DYNC1I1: variants seen among roughly 807,000 people sequenced by gnomAD.
The protein encoded by DYNC1I1 is dynein cytoplasmic 1 intermediate chain 1.
DYNC1I1 carries 43 observed loss-of-function variants against 86.6 expected under a neutral mutation model. That is an observed-to-expected ratio of 0.50 (90% CI 0.39 to 0.64). The LOEUF (loss-of-function observed/expected upper bound fraction) is 0.64, where lower values mean the gene tolerates loss of function less well. Among genes scored for constraint, DYNC1I1 ranks in the 30% least tolerant of loss-of-function variants. The pLI is 0.00. For missense variants in DYNC1I1, 604 were observed against 788.8 expected, an observed-to-expected ratio of 0.77 and a Z score of 2.81; for synonymous variants, 262 against 283.7, an observed-to-expected ratio of 0.92 and a Z score of 0.77.
At chr7:96,107,646 C>T (rs1791237143) in intron 16 of DYNC1I1, among the ~76,000 whole-genome samples, 1 of 151,848 alleles carries the variant, frequency 6.6e-6, no homozygotes, top group African/African-American at 2.4e-5. Flanking sequence ...ATTCTCCTGC[C>T]TCAGCCTCCT....
intron 6 of DYNC1I1, among the ~76,000 whole-genome samples, chr7:95,875,549 T>G (rs1392478986): frequency 6.6e-6 from 1 of 152,200 alleles, no homozygotes; most frequent in Admixed American, 6.5e-5. Flanking sequence ...CCCAAATTCA[T>G]AGAGTCCCCC....
At chr7:95,880,416 G>GCCATCTC (rs1562931606) in intron 6 of DYNC1I1, among the ~76,000 whole-genome samples, 1 of 152,088 alleles carries the variant, frequency 6.6e-6, no homozygotes, top group Non-Finnish European at 1.5e-5. Context: ...AACGACCCGG[G>GCCATCTC]CAGTTTCAGG....
At chr7:95,860,585 A>G (rs116580602) in intron 5 of DYNC1I1, among the ~76,000 whole-genome samples, 1,822 of 152,328 alleles carry the variant, frequency 0.012, 38 homozygotes, top group African/African-American at 0.041. Context: ...ATCTGGCCAA[A>G]TAATTCTTTG....
intron 6 of DYNC1I1, among the ~76,000 whole-genome samples, chr7:95,937,044 T>A (rs543522893): frequency 1.3e-5 from 2 of 150,620 alleles, no homozygotes; most frequent in East Asian, 1.9e-4. Context: ...GAATGAAACT[T>A]GAGGACATTA....
chr7:95,799,791 A>T (rs1463358492), intron 1 of DYNC1I1, among the ~76,000 whole-genome samples: 1 of 151,988 alleles, frequency 6.6e-6, no homozygotes, highest in African/African-American at 2.4e-5. Flanking sequence ...ATTGCTATTA[A>T]ATCAGTAATG....
intron 6 of DYNC1I1, among the ~76,000 whole-genome samples, chr7:95,944,281 C>T (rs1265218334): frequency 6.6e-6 from 1 of 151,638 alleles, no homozygotes; most frequent in Non-Finnish European, 1.5e-5. Flanking sequence ...AAAATGCTCA[C>T]CATCACTGGC....
At chr7:95,880,281 T>G (rs796397099) in intron 6 of DYNC1I1, among the ~76,000 whole-genome samples, 39 of 152,218 alleles carry the variant, frequency 2.6e-4, no homozygotes, top group African/African-American at 9.4e-4. Context: ...TGATGTTTCT[T>G]CCAATGTGAA....
At chr7:95,984,718 A>C (rs940402405) in intron 7 of DYNC1I1, 97 bp from the exon 8 acceptor site, 34 of 1,197,812 alleles carry the variant, frequency 2.8e-5, no homozygotes, top group Middle Eastern at 2.3e-4. Flanking sequence ...TCGTTTGATA[A>C]GCAGTCTCTC....
At chr7:95,796,316 T>C (rs1043851374) in intron 1 of DYNC1I1, among the ~76,000 whole-genome samples, 1 of 152,078 alleles carries the variant, frequency 6.6e-6, no homozygotes, top group Non-Finnish European at 1.5e-5. Context: ...CTTTCTTTCC[T>C]TCTTTCTTTC....
intron 14 of DYNC1I1, among the ~76,000 whole-genome samples, chr7:96,040,002 G>T (rs1194084297): frequency 6.6e-6 from 1 of 152,138 alleles, no homozygotes; most frequent in Admixed American, 6.6e-5. Context: ...GGGAGGCCGA[G>T]GTGGGTGGAT....
intron 6 of DYNC1I1, among the ~76,000 whole-genome samples, chr7:95,921,629 C>A (rs1352113769): frequency 2.0e-5 from 3 of 152,206 alleles, no homozygotes; most frequent in Non-Finnish European, 4.4e-5. Context: ...TGTCTGCACA[C>A]ACCCTGGTCA....
chr7:95,786,541 C>T (rs1275905099), intron 1 of DYNC1I1, among the ~76,000 whole-genome samples: 1 of 152,204 alleles, frequency 6.6e-6, no homozygotes, highest in African/African-American at 2.4e-5. Flanking sequence ...CCCAGAACAG[C>T]ACTGTGTGCT....
chr7:96,026,077 T>C (rs1301350975), intron 10 of DYNC1I1, among the ~76,000 whole-genome samples: 1 of 152,124 alleles, frequency 6.6e-6, no homozygotes, highest in Non-Finnish European at 1.5e-5. Flanking sequence ...ATCATTTCTG[T>C]GGGATGTGTA....
At chr7:95,890,707 G>A (rs1005053029) in intron 6 of DYNC1I1, among the ~76,000 whole-genome samples, 1 of 152,168 alleles carries the variant, frequency 6.6e-6, no homozygotes, top group African/African-American at 2.4e-5. Context: ...TCACCAGAAA[G>A]GTATGTTAAT....
chr7:95,824,847 A>G (rs1299165090), intron 4 of DYNC1I1, among the ~76,000 whole-genome samples: 1 of 152,216 alleles, frequency 6.6e-6, no homozygotes, highest in Non-Finnish European at 1.5e-5. Context: ...TTTACACAGA[A>G]GGAATTCGGC....
intron 6 of DYNC1I1, among the ~76,000 whole-genome samples, chr7:95,885,341 G>A (rs551613898): frequency 6.6e-6 from 1 of 151,794 alleles, no homozygotes; most frequent in Non-Finnish European, 1.5e-5. Context: ...CCAATTTTTT[G>A]TTTGTTTGTA....
chr7:96,024,010 T>C (rs1370847661), intron 10 of DYNC1I1, among the ~76,000 whole-genome samples: 1 of 152,136 alleles, frequency 6.6e-6, no homozygotes, highest in Non-Finnish European at 1.5e-5. Flanking sequence ...ACTGTCTTTG[T>C]GTTATGTGTG....
At chr7:95,832,303 AT>A (rs1788931343) in intron 5 of DYNC1I1, among the ~76,000 whole-genome samples, 1 of 148,778 alleles carries the variant, frequency 6.7e-6, no homozygotes, top group South Asian at 2.2e-4. Flanking sequence ...TGAACTCATC[AT>A]TTTTTATGGC....
intron 10 of DYNC1I1, among the ~76,000 whole-genome samples, chr7:96,013,529 G>A (rs958611612): frequency 6.6e-6 from 1 of 152,184 alleles, no homozygotes; most frequent in African/African-American, 2.4e-5. Context: ...CATGATCTCA[G>A]CTCACTGAAG....
Sources: allele counts gnomAD v4.1 joint callset (sites outside exome capture counted in the v4.1 genomes callset), GRCh38; gene constraint gnomAD v4.1.1; transcripts MANE v1.5; gene names NCBI Gene and HGNC (gene_info 2026-07-23, HGNC 2026-07-21).